NWD2: variants seen among roughly 807,000 people sequenced by gnomAD.
The protein encoded by NWD2 is NACHT and WD repeat domain-containing protein 2.
Under a neutral mutation model 132.7 loss-of-function variants are expected in NWD2, and 37 were observed. The ratio of observed to expected loss-of-function variants is 0.28; its 90% CI spans 0.21 to 0.37. NWD2 has a LOEUF of 0.37. Ranked by LOEUF, NWD2 falls within the 10% of genes least tolerant of loss-of-function variation. NWD2 has a pLI of 1.00. For missense variants in NWD2, 1,592 were observed against 2,122.4 expected (o/e 0.75, Z 4.91); for synonymous variants, 705 against 803.0 (o/e 0.88, Z 2.06).
Position 37,438,966 on chromosome 4 carries a change from A to G in NWD2, c.872A>G (p.Asp291Gly). The G allele has an allele frequency of 6.4e-7, 1 of 1,552,052 alleles. No individual in the cohort carries two copies. The highest frequency in any genetic ancestry group is 8.7e-7 in the Non-Finnish European group (1 of 1,147,068). ...ITGTEPRIIR[D>G]PEAQEKLIKL... ...GGAACAGAACCGAGGATTATTCGGG[A>G]CCCAGAAGCCCAAGAGAAGCTGATA... is the stretch of plus-strand genomic sequence containing the variant. Residue 291 changes from aspartate (D) to glycine (G), a missense_variant, in exon 6 of 7, where the codon GAC becomes GGC. Asp to Gly is a moderately conservative substitution (Grantham distance 94). This residue lies in a region of NWD2 where 1,071 missense variants were observed against 1,398.0 expected (regional missense o/e 0.77). Coordinates refer to ENST00000309447, the MANE Select transcript of NWD2 (RefSeq NM_001144990.2).
At chr4:37,431,748 T>C (rs2109326483) in intron 4 of NWD2, among the ~76,000 whole-genome samples, 1 of 152,252 alleles carries the variant, frequency 6.6e-6, no homozygotes, top group Non-Finnish European at 1.5e-5. Flanking sequence ...TAAAATTTAA[T>C]GAAAAAAACT....
chr4:37,276,062 C>G (rs1718005367), intron 1 of NWD2, among the ~76,000 whole-genome samples: 3 of 152,076 alleles, frequency 2.0e-5, no homozygotes, highest in South Asian at 2.1e-4. Flanking sequence ...GTCTAAAACA[C>G]CAAAAGCAAT....
chr4:37,286,972 A>G (rs1718245377), intron 1 of NWD2, among the ~76,000 whole-genome samples: 1 of 152,120 alleles, frequency 6.6e-6, no homozygotes, highest in Non-Finnish European at 1.5e-5. Context: ...CAGGGTATCC[A>G]GGTTCTCTCA....
intron 1 of NWD2, among the ~76,000 whole-genome samples, chr4:37,301,200 A>G (rs1718605606): frequency 6.6e-6 from 1 of 152,090 alleles, no homozygotes; most frequent in Non-Finnish European, 1.5e-5. Flanking sequence ...TATAATTGTC[A>G]TGTTGTAGGT....
chr4:37,434,035 C>A lies in NWD2; in HGVS notation c.706+15C>A, dbSNP rs1233779516. 5 of 1,521,474 alleles carry A rather than the reference C, an allele frequency of 3.3e-6. No individual in the cohort carries two copies. In the South Asian group the frequency reaches 5.0e-5, roughly 15 times the overall value. 94.2% of individuals were successfully genotyped at this position (1,521,474 alleles called of 1,614,324 possible). On this transcript the variant is annotated intron_variant, in intron 5 of 6. Coordinates refer to ENST00000309447, the MANE Select transcript of NWD2 (RefSeq NM_001144990.2). ...CCTGTTCTCAGGTAATTTTCCCATA[C>A]CTTCAGTAAAATAAGAAATATATCA... is the stretch of plus-strand genomic sequence containing the variant.
intron 3 of NWD2, among the ~76,000 whole-genome samples, chr4:37,370,253 G>A (rs544161835): frequency 6.6e-6 from 1 of 152,226 alleles, no homozygotes; most frequent in South Asian, 2.1e-4. Context: ...TTTCTGCTTA[G>A]TTCAGCATTT....
chr4:37,310,119 C>T (rs531796766), intron 1 of NWD2, among the ~76,000 whole-genome samples: 2 of 152,274 alleles, frequency 1.3e-5, no homozygotes, highest in East Asian at 3.9e-4. Context: ...CTCCAATCTA[C>T]CATGTACCCA....
At chr4:37,326,934 C>T (rs1256927944) in intron 2 of NWD2, among the ~76,000 whole-genome samples, 1 of 152,118 alleles carries the variant, frequency 6.6e-6, no homozygotes, top group East Asian at 1.9e-4. Flanking sequence ...GTAACAGTCT[C>T]GAAATGGCTT....
At chr4:37,330,349 A>ATATGT (rs1719266318) in intron 2 of NWD2, among the ~76,000 whole-genome samples, 1 of 152,204 alleles carries the variant, frequency 6.6e-6, no homozygotes, top group African/African-American at 2.4e-5. Context: ...TATTTAAATA[A>ATATGT]TATGTTATTT....
chr4:37,371,817 C>G (rs1720234427), intron 3 of NWD2, among the ~76,000 whole-genome samples: 1 of 152,108 alleles, frequency 6.6e-6, no homozygotes, highest in Non-Finnish European at 1.5e-5. Flanking sequence ...AACGCTTTTC[C>G]CTAAAAGTTT....
chr4:37,308,377 A>G (rs1360725693), intron 1 of NWD2, among the ~76,000 whole-genome samples: 1 of 152,166 alleles, frequency 6.6e-6, no homozygotes. Context: ...AGTGGTACCT[A>G]TGAGTGCTTT....
chr4:37,394,799 G>GTTTTGTTTTTTTTTTT (rs1720747038), intron 3 of NWD2, among the ~76,000 whole-genome samples: 1 of 52,596 alleles, frequency 1.9e-5, no homozygotes, highest in African/African-American at 7.7e-5. Flanking sequence ...AACCTTTATG[G>GTTTTGTTTTTTTTTTT]TTTTTTTTTT....
intron 1 of NWD2, among the ~76,000 whole-genome samples, chr4:37,315,982 T>TA (rs1219068047): frequency 6.6e-6 from 1 of 152,054 alleles, no homozygotes; most frequent in African/African-American, 2.4e-5. Flanking sequence ...GTTTTATTAT[T>TA]GTCATATATG....
At chr4:37,388,295 T>C (rs1720608079) in intron 3 of NWD2, among the ~76,000 whole-genome samples, 1 of 152,000 alleles carries the variant, frequency 6.6e-6, no homozygotes, top group African/African-American at 2.4e-5. Context: ...GCTACCCTCC[T>C]GCCTCAGCCT....
rs996907171 is a variant in NWD2, at chr4:37,443,608, G to A, written c.1620G>A (p.Arg540=). 3.2e-6 allele frequency: 5 copies of A among 1,551,704 alleles called. No homozygotes were observed. Among genetic ancestry groups the A allele is most frequent in the South Asian group, 2.4e-5 (2 of 84,048 alleles). The change falls in exon 7 of 7, where the codon CGG becomes CGA. Residue 540 remains arginine (R), a synonymous_variant. Coordinates refer to ENST00000309447, the MANE Select transcript of NWD2 (RefSeq NM_001144990.2). The surrounding 1 kb of genome is among the most constrained non-coding windows in gnomAD (Gnocchi z 4.1). ...CAGCTCACCTGCCCCGCTTTGTCCGGATAGTCCTTTCCACGCTGCCCAACA... is the reference window on the plus strand; with the variant it reads ...CAGCTCACCTGCCCCGCTTTGTCCGAATAGTCCTTTCCACGCTGCCCAACA... ...WLPAHLPRFV[R]IVLSTLPNKH... is the part of the protein sequence containing the mutation.
intron 3 of NWD2, among the ~76,000 whole-genome samples, chr4:37,401,136 A>G (rs186016080): frequency 5.2e-4 from 79 of 152,264 alleles, no homozygotes; most frequent in Admixed American, 2.4e-3. Context: ...TGTAATGTCA[A>G]TTTTGTATAG....
At chr4:37,311,551 T>A (rs1718841897) in intron 1 of NWD2, among the ~76,000 whole-genome samples, 2 of 149,628 alleles carry the variant, frequency 1.3e-5, no homozygotes, top group African/African-American at 5.1e-5. Flanking sequence ...GTCAGATGAG[T>A]AGGTTGCAAA....
intron 3 of NWD2, among the ~76,000 whole-genome samples, chr4:37,414,178 G>A (rs35592227): frequency 0.14 from 20,778 of 152,014 alleles, 2,005 homozygotes; most frequent in African/African-American, 0.27. Flanking sequence ...AGTATCGTTA[G>A]GATTACATTA....
intron 2 of NWD2, among the ~76,000 whole-genome samples, chr4:37,327,719 G>A (rs1469515819): frequency 6.6e-6 from 1 of 152,120 alleles, no homozygotes; most frequent in East Asian, 1.9e-4. Context: ...TTTAAGTGTA[G>A]TCTTTTATAG....
Sources: gnomAD v4.1 joint callset for allele counts (sites outside exome capture counted in the v4.1 genomes callset) on GRCh38, gnomAD v4.1.1 for gene constraint, gnomAD v4.1.1 regional missense constraint, Gnocchi (gnomAD v3.1) non-coding constraint, MANE v1.5 for transcripts, NCBI Gene and HGNC (gene_info 2026-07-23, HGNC 2026-07-21) for gene names.